The following SLC35F3 variants were observed in gnomAD, a reference collection of about 807,000 sequenced individuals.
The protein encoded by SLC35F3 is putative thiamine transporter SLC35F3.
Under a neutral mutation model 49.9 loss-of-function variants are expected in SLC35F3, and 25 were observed. The ratio of observed to expected loss-of-function variants is 0.50; its 90% CI spans 0.37 to 0.70. SLC35F3 has a LOEUF of 0.70. Among genes scored for constraint, SLC35F3 ranks in the 30% least tolerant of loss-of-function variants. The pLI is 0.00. For synonymous variants in SLC35F3, 275 were observed against 265.4 expected, an observed-to-expected ratio of 1.04 and a Z score of -0.35; for missense variants, 525 against 639.8, an observed-to-expected ratio of 0.82 and a Z score of 1.94.
intron 2 of SLC35F3, among the ~76,000 whole-genome samples, chr1:233,970,844 T>C (rs994237843): frequency 6.6e-6 from 1 of 152,190 alleles, no homozygotes; most frequent in African/African-American, 2.4e-5. Context: ...AGAGCATACA[T>C]TTCTATTGCT....
chr1:234,258,896 T>G (rs1199560340), intron 3 of SLC35F3, among the ~76,000 whole-genome samples: 11 of 152,234 alleles, frequency 7.2e-5, no homozygotes, highest in African/African-American at 2.7e-4. Context: ...GAAATAAAAG[T>G]CATGCTGTGT....
chr1:234,185,138 AAGG>A (rs1666622374), intron 2 of SLC35F3, among the ~76,000 whole-genome samples: 1 of 152,160 alleles, frequency 6.6e-6, no homozygotes, highest in African/African-American at 2.4e-5. Flanking sequence ...ATACTTGCAG[AAGG>A]AGGAGGGAGC....
intron 2 of SLC35F3, among the ~76,000 whole-genome samples, chr1:234,108,677 TA>T (rs531173723): frequency 0.13 from 15,404 of 122,796 alleles, 2,331 homozygotes; most frequent in East Asian, 0.75. Flanking sequence ...AAAAGATATA[TA>T]TATTTTTATA....
chr1:234,255,411 A>G (rs1157371070), intron 3 of SLC35F3, among the ~76,000 whole-genome samples: 2 of 152,246 alleles, frequency 1.3e-5, no homozygotes, highest in African/African-American at 4.8e-5. Context: ...GGGGAAATGC[A>G]AAATAGCACA....
At chr1:234,201,938 G>A (rs1469439390) in intron 2 of SLC35F3, among the ~76,000 whole-genome samples, 5 of 149,162 alleles carry the variant, frequency 3.4e-5, no homozygotes, top group African/African-American at 1.2e-4. Flanking sequence ...AAAAGAAGGA[G>A]TTAAGGTGTG....
At chr1:234,034,187 A>G (rs2358204) in intron 2 of SLC35F3, among the ~76,000 whole-genome samples, 35,901 of 152,176 alleles carry the variant, frequency 0.24, 8,576 homozygotes, top group African/African-American at 0.6. Flanking sequence ...AGTGCTACTC[A>G]TTTGTGCACA....
intron 2 of SLC35F3, among the ~76,000 whole-genome samples, chr1:233,958,402 A>G (rs187270702): frequency 2.3e-4 from 35 of 152,334 alleles, no homozygotes; most frequent in African/African-American, 7.9e-4. Context: ...TGCTGGACAC[A>G]TAGTAGGCAA....
chr1:233,945,890 T>C (rs777534662), intron 2 of SLC35F3, among the ~76,000 whole-genome samples: 1 of 152,236 alleles, frequency 6.6e-6, no homozygotes, highest in Non-Finnish European at 1.5e-5. Flanking sequence ...AGGTATGTCT[T>C]TATTAGCACA....
intron 4 of SLC35F3, among the ~76,000 whole-genome samples, chr1:234,309,533 A>G (rs1657297329): frequency 6.6e-6 from 1 of 152,250 alleles, no homozygotes; most frequent in African/African-American, 2.4e-5. Flanking sequence ...ACAAGCATTC[A>G]TTAAAGCACC....
intron 2 of SLC35F3, among the ~76,000 whole-genome samples, chr1:233,943,079 T>TA (rs1662454649): frequency 6.6e-6 from 1 of 152,244 alleles, no homozygotes; most frequent in Non-Finnish European, 1.5e-5. Flanking sequence ...CCAGTGTTCA[T>TA]TGACAAATGA....
chr1:234,218,563 A>G (rs1667157168), intron 2 of SLC35F3, among the ~76,000 whole-genome samples: 1 of 152,204 alleles, frequency 6.6e-6, no homozygotes, highest in Admixed American at 6.5e-5. Flanking sequence ...AGCAAGGGTA[A>G]GTATTGTTAT....
intron 2 of SLC35F3, among the ~76,000 whole-genome samples, chr1:234,201,792 A>G (rs1358484617): frequency 9.2e-5 from 14 of 151,844 alleles, no homozygotes; most frequent in Admixed American, 5.3e-4. Flanking sequence ...GGTTTTTTCC[A>G]TCTTTGTAGT....
intron 3 of SLC35F3, among the ~76,000 whole-genome samples, chr1:234,247,958 G>T (rs1382804261): frequency 6.6e-6 from 1 of 152,290 alleles, no homozygotes; most frequent in Non-Finnish European, 1.5e-5. Context: ...TTGCTTGGTG[G>T]ATTGCTTGGC....
intron 4 of SLC35F3, among the ~76,000 whole-genome samples, chr1:234,310,997 A>G (rs1558107015): frequency 1.3e-5 from 2 of 152,240 alleles, no homozygotes; most frequent in South Asian, 2.1e-4. Flanking sequence ...GTTGCTGATC[A>G]CTGTGTACTG....
At chr1:233,982,568 T>C (rs1663203438) in intron 2 of SLC35F3, among the ~76,000 whole-genome samples, 2 of 152,158 alleles carry the variant, frequency 1.3e-5, no homozygotes, top group African/African-American at 4.8e-5. Flanking sequence ...GAGATGGGGT[T>C]TCTCCATGTT....
At chr1:234,139,371 A>T (rs79876043) in intron 2 of SLC35F3, among the ~76,000 whole-genome samples, 9,714 of 152,226 alleles carry the variant, frequency 0.064, 507 homozygotes, top group African/African-American at 0.13. Flanking sequence ...GGACAACGCA[A>T]ATTGTAGCTC....
At chr1:234,041,027 G>A (rs953292131) in intron 2 of SLC35F3, among the ~76,000 whole-genome samples, 1 of 152,126 alleles carries the variant, frequency 6.6e-6, no homozygotes, top group African/African-American at 2.4e-5. Context: ...AAACACATGT[G>A]CTATCTCTGC....
intron 2 of SLC35F3, among the ~76,000 whole-genome samples, chr1:233,977,677 T>A (rs1309864632): frequency 1.3e-5 from 2 of 152,240 alleles, no homozygotes; most frequent in Non-Finnish European, 2.9e-5. Flanking sequence ...TTTGGCCACT[T>A]GCTTGCATAA....
At chr1:233,985,536 G>GA (rs1171558772) in intron 2 of SLC35F3, among the ~76,000 whole-genome samples, 2 of 152,190 alleles carry the variant, frequency 1.3e-5, no homozygotes, top group Non-Finnish European at 2.9e-5. Flanking sequence ...TGACCATTAA[G>GA]AAAAAAATTC....
Sources: allele counts gnomAD v4.1 joint callset (sites outside exome capture counted in the v4.1 genomes callset), GRCh38; gene constraint gnomAD v4.1.1; transcripts MANE v1.5; gene names NCBI Gene and HGNC (gene_info 2026-07-23, HGNC 2026-07-21).